COL3A1: variants seen among roughly 807,000 people sequenced by gnomAD.
COL3A1 encodes collagen type III alpha 1 chain.
A neutral mutation model predicts 200.9 loss-of-function variants in COL3A1; 46 were observed. That is an observed-to-expected ratio of 0.23 (90% CI 0.18 to 0.29). COL3A1 has a LOEUF of 0.29. COL3A1 is among the 10% of genes least tolerant of loss of function. COL3A1 has a pLI of 1.00. For synonymous variants in COL3A1, 650 were observed against 628.0 expected, an observed-to-expected ratio of 1.03 and a Z score of -0.52; for missense variants, 1,367 against 1,917.6, an observed-to-expected ratio of 0.71 and a Z score of 5.36.
chr2:188,974,830 CTT>C (rs1396550043), intron 1 of COL3A1, among the ~76,000 whole-genome samples: 2 of 152,110 alleles, frequency 1.3e-5, no homozygotes, highest in African/African-American at 2.4e-5. Flanking sequence ...GCACTGGAAA[CTT>C]TTAAAAATGG....
chr2:188,997,476 C>A, intron 26 of COL3A1, 87 bp downstream of exon 26: 1 of 1,383,838 alleles, frequency 7.2e-7, no homozygotes, highest in Non-Finnish European at 1.0e-6. Flanking sequence ...ATCTCTGACA[C>A]CATGTTGTTA....
In COL3A1 at chr2:188,996,099, C is replaced by T. The variant is rs371405849; in HGVS notation, c.1609-26C>T. The T allele has an allele frequency of 9.3e-5, 150 of 1,610,176 alleles. 1 individual carries two copies. The highest frequency in any genetic ancestry group is 4.7e-4 in the African/African-American group (35 of 74,802). On this transcript the variant is annotated intron_variant, in intron 22 of 50. Transcript: ENST00000304636. ...TTTTTTATTATTTCATTTTAAATCA[C>T]CTAACAACTGACTTCTTTACTTCAG... is the stretch of plus-strand genomic sequence containing the variant.
intron 49 of COL3A1, 43 bp downstream of exon 49, chr2:189,010,408 TC>T: frequency 6.2e-7 from 1 of 1,600,462 alleles, no homozygotes; most frequent in Non-Finnish European, 8.6e-7. Context: ...CACCTCTATA[TC>T]CTTTGTATTC....
chr2:188,998,387 TAAC>T lies in COL3A1; in HGVS notation c.1977+69_1977+71del, dbSNP rs757749545. 205 of 1,343,870 alleles carry T rather than the reference TAAC, an allele frequency of 1.5e-4. No homozygotes were observed. In the Admixed American group the frequency reaches 3.7e-3, roughly 24 times the overall value. 83.2% of individuals were successfully genotyped at this position (1,343,870 alleles called of 1,614,324 possible). On this transcript the variant is annotated intron_variant, in intron 28 of 50. Coordinates refer to ENST00000304636, the MANE Select transcript of COL3A1 (RefSeq NM_000090.4). Reference sequence around the variant, plus strand: ...TACACACTGTTTGTTTGTCAACTATTAACTTCTTAATTTTCTTATGCCATGATA... The same window carrying T: ...TACACACTGTTTGTTTGTCAACTATTTTCTTAATTTTCTTATGCCATGATA...
At position 188,994,255 on chromosome 2, in the gene COL3A1, G is replaced by T; in HGVS notation, c.1216G>T (p.Ala406Ser). The T allele has an allele frequency of 6.2e-7, 1 of 1,614,100 alleles. No individual in the cohort carries two copies. Among genetic ancestry groups the T allele is most frequent in the East Asian group, 2.2e-5 (1 of 44,892 alleles). The change falls in exon 18 of 51, where the codon GCT becomes TCT. Residue 406 changes from alanine to serine, a missense_variant. By Grantham distance (99) the Ala-to-Ser change is moderately conservative. Transcript: ENST00000304636. This position sits in a 1 kb window ranked among gnomAD's most constrained non-coding sequence, Gnocchi z 4.5. Reference sequence around the variant, plus strand: ...TTAGGGTCCCGCTGGCATTCCTGGAGCTCCTGGACTGATGGGAGCCCGGGG... The same window carrying T: ...TTAGGGTCCCGCTGGCATTCCTGGATCTCCTGGACTGATGGGAGCCCGGGG... ...GEMGPAGIPG[A>S]PGLMGARGPP...
intron 36 of COL3A1, among the ~76,000 whole-genome samples, 153 bp from the exon 37 acceptor site, chr2:189,003,258 T>C: frequency 6.6e-6 from 1 of 152,356 alleles, no homozygotes; most frequent in South Asian, 2.1e-4. Flanking sequence ...ATATAATCTT[T>C]ATATGAATAT....
chr2:188,986,535 C>G (rs1471398492), intron 4 of COL3A1, among the ~76,000 whole-genome samples: 1 of 151,896 alleles, frequency 6.6e-6, no homozygotes, highest in Non-Finnish European at 1.5e-5. Flanking sequence ...AGCATATGAG[C>G]CTTTCTACTA....
At chr2:189,005,717 A>G (rs1688570737) in intron 41 of COL3A1, 1 of 437,464 alleles carries the variant, frequency 2.3e-6, no homozygotes, top group Non-Finnish European at 4.2e-6. Context: ...GGGGAGAACC[A>G]CAATTGACAT....
In COL3A1 at chr2:188,999,276, T is replaced by C; in HGVS notation, c.2023-9T>C. The C allele has an allele frequency of 6.4e-7, 1 of 1,560,578 alleles. No individual in the cohort carries two copies. Among genetic ancestry groups the C allele is most frequent in the East Asian group, 2.4e-5 (1 of 41,626 alleles). On this transcript the variant is annotated splice_polypyrimidine_tract_variant and intron_variant, in intron 29 of 50. Transcript: ENST00000304636. ...GTCTAATATGGTTATTTACATATTT[T>C]TGTCACAGGGTGATGCTGGTGCCCC...
chr2:188,998,348 A>G, intron 28 of COL3A1, 29 bp downstream of exon 28: 2 of 1,581,686 alleles, frequency 1.3e-6, no homozygotes, highest in Non-Finnish European at 1.7e-6. Context: ...TTCAAAACTC[A>G]GAAACAAAAA....
Position 189,007,935 on chromosome 2 carries a change from C to T in COL3A1, c.3414C>T (p.Pro1138=). 1 of 1,614,134 alleles carries T rather than the reference C, an allele frequency of 6.2e-7. No homozygotes were observed. Among genetic ancestry groups the T allele is most frequent in the Non-Finnish European group, 8.5e-7 (1 of 1,180,036 alleles). ...GAIGSPGPAG[P]RGPVGPSGPP... is the part of the protein sequence containing the mutation. Reference sequence around the variant, plus strand: ...TCGGCAGTCCAGGACCTGCAGGCCCCAGAGTAAGTAGCACAGAAAGATATT... The same window carrying T: ...TCGGCAGTCCAGGACCTGCAGGCCCTAGAGTAAGTAGCACAGAAAGATATT... Residue 1138 remains proline, a synonymous_variant, in exon 46 of 51, where the codon CCC becomes CCT. Coordinates refer to ENST00000304636, the MANE Select transcript of COL3A1 (RefSeq NM_000090.4).
At position 188,990,292 on chromosome 2, in the gene COL3A1, A is replaced by G; in HGVS notation, c.745-15A>G. 4 of 1,610,658 alleles carry G rather than the reference A, an allele frequency of 2.5e-6. No homozygotes were observed. The highest frequency in any genetic ancestry group is 3.4e-6 in the Non-Finnish European group (4 of 1,177,432). On this transcript the variant is annotated splice_polypyrimidine_tract_variant and intron_variant, in intron 9 of 50. Coordinates refer to ENST00000304636, the MANE Select transcript of COL3A1 (RefSeq NM_000090.4). ...TTTGAAGGTTCATTAATATTTTTTCATTCATTATTTTTAGGGTATCAAAGG... is the reference window on the plus strand; with the variant it reads ...TTTGAAGGTTCATTAATATTTTTTCGTTCATTATTTTTAGGGTATCAAAGG...
intron 34 of COL3A1, 127 bp from the exon 35 acceptor site, chr2:189,002,171 G>C: frequency 1.3e-6 from 1 of 786,308 alleles, no homozygotes; most frequent in Middle Eastern, 2.6e-4. Context: ...GTCTTCAGAA[G>C]TTTATTGGCT....
intron 15 of COL3A1, 143 bp downstream of exon 15, chr2:188,993,083 T>G: frequency 1.3e-6 from 1 of 796,432 alleles, no homozygotes; most frequent in Non-Finnish European, 2.1e-6. Context: ...TATTCTTGAT[T>G]CTAAAAGAGG....
In COL3A1 at chr2:188,985,174, CTTGT is replaced by C. The variant is rs746057620; in HGVS notation, c.283-20_283-17del. The C allele has an allele frequency of 1.5e-5, 24 of 1,609,936 alleles. No homozygotes were observed. The highest frequency in any genetic ancestry group is 1.9e-5 in the Non-Finnish European group (22 of 1,176,732). On this transcript the variant is annotated intron_variant, in intron 2 of 50. Coordinates refer to ENST00000304636, the MANE Select transcript of COL3A1 (RefSeq NM_000090.4). Reference sequence around the variant, plus strand: ...TATGCAAATTCTGTGTCTTGTTTAACTTGTTTCTTTTCCATTTATTAGCCTACTC... The same window carrying C: ...TATGCAAATTCTGTGTCTTGTTTAACTTCTTTTCCATTTATTAGCCTACTC...
chr2:188,995,286 C>T (rs953380664), intron 21 of COL3A1, among the ~76,000 whole-genome samples, 187 bp downstream of exon 21: 2 of 152,174 alleles, frequency 1.3e-5, no homozygotes, highest in Admixed American at 1.3e-4. Flanking sequence ...CACTTACTTA[C>T]CCTCTATGAG....
chr2:188,978,393 G>A (rs990635012), intron 1 of COL3A1, among the ~76,000 whole-genome samples: 8 of 151,934 alleles, frequency 5.3e-5, no homozygotes, highest in Non-Finnish European at 8.8e-5. Context: ...CCTCAGGAAA[G>A]CCCCTGTTCT....
At chr2:189,007,412 TA>T in intron 44 of COL3A1, 87 bp from the exon 45 acceptor site, 1 of 1,058,368 alleles carries the variant, frequency 9.4e-7, no homozygotes, top group Admixed American at 2.2e-5. Flanking sequence ...TAGAAAGCCA[TA>T]AAATAGATTT....
intron 26 of COL3A1, 27 bp downstream of exon 26, chr2:188,997,416 A>G (rs1157446466): frequency 2.5e-6 from 4 of 1,606,052 alleles, no homozygotes; most frequent in South Asian, 1.1e-5. Context: ...AAAATTGGAG[A>G]TGAAAATAGG....
Sources: allele counts gnomAD v4.1 joint callset (sites outside exome capture counted in the v4.1 genomes callset), GRCh38; gene constraint gnomAD v4.1.1; non-coding constraint Gnocchi (gnomAD v3.1); transcripts MANE v1.5; gene names NCBI Gene and HGNC (gene_info 2026-07-23, HGNC 2026-07-21).